SNX13: variants seen among roughly 807,000 people sequenced by gnomAD.
SNX13 encodes the protein sorting nexin 13.
A neutral mutation model predicts 133.6 loss-of-function variants in SNX13; 45 were observed. The ratio of observed to expected loss-of-function variants is 0.34; its 90% CI spans 0.27 to 0.43. The LOEUF is 0.43. SNX13 is among the 20% of genes least tolerant of loss of function. The probability of loss-of-function intolerance (pLI) is 1.00; values close to 1 mark genes in which losing one functional copy is unlikely to be tolerated. For synonymous variants in SNX13, 414 were observed against 373.9 expected (o/e 1.11, Z -1.24); for missense variants, 1,032 against 1,145.1 (o/e 0.90, Z 1.43).
chr7:17,794,365 A>C, intron 25 of SNX13, 73 bp from the exon 26 acceptor site: 1 of 1,517,136 alleles, frequency 6.6e-7, no homozygotes, highest in Non-Finnish European at 8.8e-7. Flanking sequence ...AATGTTCTTA[A>C]ATTAAGGTAC....
chr7:17,831,120 G>C, intron 15 of SNX13: 1 of 984,258 alleles, frequency 1.0e-6, no homozygotes, highest in Non-Finnish European at 1.2e-6. Flanking sequence ...CCAAAGACAA[G>C]TCAAGTTAAA....
chr7:17,850,542 T>C (rs1791082832), intron 10 of SNX13, 107 bp from the exon 11 acceptor site: 1 of 688,294 alleles, frequency 1.5e-6, no homozygotes, highest in Non-Finnish European at 2.3e-6. Context: ...ACAGCAACTG[T>C]TTTAGTCAAT....
intron 22 of SNX13, among the ~76,000 whole-genome samples, chr7:17,801,018 A>ATATATATATATATATATATG (rs1784565161): frequency 8.5e-5 from 1 of 11,738 alleles, no homozygotes; most frequent in African/African-American, 2.1e-4. Flanking sequence ...ACATATATAT[A>ATATATATATATATATATATG]TATATATATA....
chr7:17,922,854 T>G (rs987250506), intron 1 of SNX13, among the ~76,000 whole-genome samples: 1 of 152,202 alleles, frequency 6.6e-6, no homozygotes, highest in Non-Finnish European at 1.5e-5. Context: ...AAAAATCATA[T>G]GTGCTTACTC....
At chr7:17,920,939 T>C (rs1436088251) in intron 1 of SNX13, among the ~76,000 whole-genome samples, 2 of 152,176 alleles carry the variant, frequency 1.3e-5, no homozygotes, top group African/African-American at 4.8e-5. Context: ...TTTGCCATCA[T>C]TTGGTGCAGC....
chr7:17,833,468 G>C (rs1039130511), intron 15 of SNX13, among the ~76,000 whole-genome samples: 3 of 151,544 alleles, frequency 2.0e-5, no homozygotes, highest in African/African-American at 4.8e-5. Context: ...GATAGAATGG[G>C]AGTAAAATCG....
chr7:17,927,390 A>ACAC (rs1800884575), intron 1 of SNX13, among the ~76,000 whole-genome samples: 1 of 151,820 alleles, frequency 6.6e-6, no homozygotes, highest in Admixed American at 6.6e-5. Flanking sequence ...CTACAGGCAC[A>ACAC]CACCACCATG....
chr7:17,826,013 C>A lies in SNX13; in HGVS notation c.1705+9G>T. 1 of 1,489,676 alleles carries A rather than the reference C, an allele frequency of 6.7e-7. No individual in the cohort carries two copies. The highest frequency in any genetic ancestry group is 9.0e-7 in the Non-Finnish European group (1 of 1,107,874). The allele number at this position is 1,489,676 out of a possible 1,614,324, so 92.3% of individuals were successfully genotyped here. On this transcript the variant is annotated intron_variant, in intron 17 of 25. Coordinates refer to ENST00000428135, the MANE Select transcript of SNX13 (RefSeq NM_015132.5). Reference sequence around the variant, plus strand: ...TTTAATGCAATAATTATACTTCAAACTCTCTTACCTGTGTCTGAAATGTAG... The same window carrying A: ...TTTAATGCAATAATTATACTTCAAAATCTCTTACCTGTGTCTGAAATGTAG...
Position 17,821,561 on chromosome 7 carries a change from G to A in SNX13, c.1793C>T (p.Thr598Ile), listed in dbSNP as rs1258544214. The change falls in exon 18 of 26, where the codon ACC becomes ATC. Residue 598 changes from threonine to isoleucine, a missense_variant. Physicochemically the swap from Thr to Ile is moderately conservative, Grantham distance 89. Transcript: ENST00000428135. ...ATGGAAGTCACTATAACGACGATAGGTTTTCCACATCTCCTCACTGTTTAG... is the reference window on the plus strand; with the variant it reads ...ATGGAAGTCACTATAACGACGATAGATTTTCCACATCTCCTCACTGTTTAG... ...RNLNSEEMWKTYRRYSDFHDF... is the reference protein window; with the variant it reads ...RNLNSEEMWKIYRRYSDFHDF... 1 of 1,613,454 alleles carries A rather than the reference G, an allele frequency of 6.2e-7. No individual in the cohort carries two copies. The highest frequency in any genetic ancestry group is 8.5e-7 in the Non-Finnish European group (1 of 1,179,696).
At chr7:17,920,972 G>A (rs914164113) in intron 1 of SNX13, among the ~76,000 whole-genome samples, 2 of 152,148 alleles carry the variant, frequency 1.3e-5, no homozygotes, top group African/African-American at 2.4e-5. Flanking sequence ...GCCAAGCAGC[G>A]CACTGGAGTG....
intron 1 of SNX13, among the ~76,000 whole-genome samples, chr7:17,920,563 A>C (rs1800016333): frequency 6.6e-6 from 1 of 152,228 alleles, no homozygotes; most frequent in Admixed American, 6.5e-5. Context: ...ACAGTGAAAA[A>C]ATACAGAAAT....
chr7:17,874,785 T>C (rs1794518263), intron 7 of SNX13, among the ~76,000 whole-genome samples: 1 of 152,168 alleles, frequency 6.6e-6, no homozygotes, highest in Admixed American at 6.5e-5. Context: ...CGTCCTCAGC[T>C]AAAACTTGTC....
intron 1 of SNX13, among the ~76,000 whole-genome samples, chr7:17,917,104 A>G (rs533196781): frequency 6.6e-6 from 1 of 152,348 alleles, no homozygotes; most frequent in South Asian, 2.1e-4. Context: ...AGCATTCAGT[A>G]AAATCCAACA....
intron 1 of SNX13, among the ~76,000 whole-genome samples, chr7:17,939,433 T>A (rs9942622): frequency 0.017 from 2,560 of 152,328 alleles, 77 homozygotes; most frequent in African/African-American, 0.057. Flanking sequence ...CTACAACACA[T>A]AACTGGGCTA....
rs1241625285 is a variant in SNX13 at position 17,882,922 on chromosome 7, G to A, written c.441-7132C>T. On this transcript the variant is annotated intron_variant, in intron 5 of 25. Coordinates refer to ENST00000428135, the MANE Select transcript of SNX13 (RefSeq NM_015132.5). ...GCCGAGATTGCGCCATTGTACTCCA[G>A]CCTGGGCGACAGGGCGAGACTCTGT... The A allele has an allele frequency of 2.1e-5, 20 of 961,812 alleles. No homozygotes were observed. In the East Asian group the frequency reaches 1.3e-3, roughly 64 times the overall value. The allele number at this position is 961,812 out of a possible 1,614,324, so 59.6% of individuals were successfully genotyped here.
chr7:17,905,524 T>C (rs958716611), intron 1 of SNX13, among the ~76,000 whole-genome samples: 1 of 152,242 alleles, frequency 6.6e-6, no homozygotes, highest in African/African-American at 2.4e-5. Context: ...AAGGCAGTTT[T>C]GCAGGTGAAC....
intron 1 of SNX13, among the ~76,000 whole-genome samples, chr7:17,937,077 A>C (rs938386811): frequency 1.5e-5 from 2 of 131,242 alleles, no homozygotes; most frequent in Non-Finnish European, 3.3e-5. Context: ...TGTAAAATGC[A>C]AAAAAAAAAA....
At position 17,796,946 on chromosome 7, in the gene SNX13, G is replaced by T. The variant is rs556360625; in HGVS notation, c.2514-7C>A. ...ATTTGGCCAAAATGCATCTCTATTT[G>T]AGAAGATTAAATACATTTTGTAAAC... On this transcript the variant is annotated splice_polypyrimidine_tract_variant and splice_region_variant and intron_variant, in intron 24 of 25. Coordinates refer to ENST00000428135, the MANE Select transcript of SNX13 (RefSeq NM_015132.5). The T allele has an allele frequency of 3.8e-6, 6 of 1,567,736 alleles. No homozygotes were observed. In the Admixed American group the frequency reaches 1.0e-4, roughly 26 times the overall value.
Position 17,839,935 on chromosome 7 carries a change from C to T in SNX13, c.1231G>A (p.Val411Ile). ...FFWMTVEGYR[V>I]TAQQQLEVLL... Reference sequence around the variant, plus strand: ...ACTTCTAGCTGCTGTTGGGCGGTAACCCGGTATCCTTCCACTGTCATCCAA... The same window carrying T: ...ACTTCTAGCTGCTGTTGGGCGGTAATCCGGTATCCTTCCACTGTCATCCAA... Residue 411 changes from valine (V) to isoleucine (I), a missense_variant, in exon 13 of 26, where the codon GTT (valine) becomes ATT (isoleucine). Physicochemically the swap from Val to Ile is conservative, Grantham distance 29. Transcript: ENST00000428135. The T allele has an allele frequency of 6.2e-7, 1 of 1,611,994 alleles. No homozygotes were observed. The highest frequency in any genetic ancestry group is 1.1e-5 in the South Asian group (1 of 91,018).
Sources: allele counts gnomAD v4.1 joint callset (sites outside exome capture counted in the v4.1 genomes callset), GRCh38; gene constraint gnomAD v4.1.1; transcripts MANE v1.5; gene names NCBI Gene and HGNC (gene_info 2026-07-23, HGNC 2026-07-21).